FAM107B: variants seen among roughly 807,000 people sequenced by gnomAD.
The protein encoded by FAM107B is family with sequence similarity 107 member B.
A neutral mutation model predicts 31.5 loss-of-function variants in FAM107B; 21 were observed. That is an observed-to-expected ratio of 0.67 (90% CI 0.47 to 0.96). FAM107B has a LOEUF of 0.96. FAM107B is among the 40% of genes least tolerant of loss of function. FAM107B has a pLI of 0.00. For synonymous variants in FAM107B, 157 were observed against 141.5 expected, an observed-to-expected ratio of 1.11 and a Z score of -0.78; for missense variants, 452 against 377.1, an observed-to-expected ratio of 1.20 and a Z score of -1.64.
At chr10:14,668,456 T>A (rs1854463589) in intron 1 of FAM107B, among the ~76,000 whole-genome samples, 1 of 152,188 alleles carries the variant, frequency 6.6e-6, no homozygotes, top group Non-Finnish European at 1.5e-5. Flanking sequence ...CCATCATTAT[T>A]CACAGTTATA....
At chr10:14,723,651 T>C (rs1855964698) in intron 1 of FAM107B, 4 of 733,904 alleles carry the variant, frequency 5.5e-6, no homozygotes, top group Non-Finnish European at 1.0e-5. Context: ...AGGATTACTC[T>C]GCGAGAGGCT....
At chr10:14,599,655 G>C (rs932249604) in intron 2 of FAM107B, among the ~76,000 whole-genome samples, 2 of 152,122 alleles carry the variant, frequency 1.3e-5, no homozygotes, top group African/African-American at 4.8e-5. Flanking sequence ...TTTAAAAAAA[G>C]ATATGCTTAA....
chr10:14,677,017 C>T (rs1854699568), intron 1 of FAM107B, among the ~76,000 whole-genome samples: 1 of 152,212 alleles, frequency 6.6e-6, no homozygotes, highest in Non-Finnish European at 1.5e-5. Context: ...CCAGAGCTCT[C>T]TGTGAAGTTG....
chr10:14,562,276 T>C (rs772386646), intron 2 of FAM107B, among the ~76,000 whole-genome samples: 2 of 152,054 alleles, frequency 1.3e-5, no homozygotes, highest in Non-Finnish European at 2.9e-5. Context: ...AATTAAGTAG[T>C]TTTCCATCAC....
intron 2 of FAM107B, among the ~76,000 whole-genome samples, chr10:14,534,405 C>T (rs1847386403): frequency 6.6e-6 from 1 of 152,112 alleles, no homozygotes. Flanking sequence ...TGGCAATAAC[C>T]ATCACTATGA....
intron 2 of FAM107B, among the ~76,000 whole-genome samples, chr10:14,661,849 C>T (rs578153400): frequency 1.3e-5 from 2 of 152,258 alleles, no homozygotes; most frequent in African/African-American, 2.4e-5. Context: ...ACTGGCTCAC[C>T]CTCAGAGAGT....
intron 1 of FAM107B, among the ~76,000 whole-genome samples, chr10:14,721,531 C>T (rs1467507745): frequency 1.3e-5 from 2 of 152,256 alleles, no homozygotes; most frequent in East Asian, 1.9e-4. Context: ...TTTTAATGAT[C>T]ACCATTCTAA....
At chr10:14,764,966 C>T (rs988237601) in intron 1 of FAM107B, among the ~76,000 whole-genome samples, 18 of 152,192 alleles carry the variant, frequency 1.2e-4, no homozygotes, top group African/African-American at 4.3e-4. Context: ...CGATGAAGGA[C>T]GTCAACCCTG....
At chr10:14,644,214 C>T (rs1220497415) in intron 2 of FAM107B, among the ~76,000 whole-genome samples, 2 of 152,192 alleles carry the variant, frequency 1.3e-5, no homozygotes, top group African/African-American at 2.4e-5. Context: ...TGATGGCTAA[C>T]ATTTATCAAA....
At chr10:14,644,337 A>G (rs1853702118) in intron 2 of FAM107B, among the ~76,000 whole-genome samples, 1 of 152,176 alleles carries the variant, frequency 6.6e-6, no homozygotes, top group South Asian at 2.1e-4. Context: ...TAGGTCATTT[A>G]TCTATTTCTA....
intron 2 of FAM107B, chr10:14,548,337 G>A: frequency 1.2e-6 from 1 of 830,810 alleles, no homozygotes; most frequent in Non-Finnish European, 1.5e-6. Flanking sequence ...GAGGCCTCAG[G>A]GACCAGATGC....
intron 2 of FAM107B, among the ~76,000 whole-genome samples, chr10:14,637,022 G>C (rs992483766): frequency 6.6e-6 from 1 of 152,026 alleles, no homozygotes; most frequent in African/African-American, 2.4e-5. Context: ...ATACTCTATA[G>C]GTAAACTTAA....
chr10:14,540,248 A>G lies in FAM107B; in HGVS notation c.470-9733T>C, dbSNP rs112868357. 2.0e-3 allele frequency among the ~76,000 whole-genome samples: 306 copies of G among 152,322 alleles called. 2 individuals carry two copies. The highest frequency in any genetic ancestry group is 6.9e-3 in the African/African-American group (285 of 41,576). ...GACCAACTGCTACCTAGGAGCTGGC[A>G]GTGTCACTTGGCCTGTCAGGTGTTT... On this transcript the variant is annotated intron_variant, in intron 2 of 4. Coordinates refer to ENST00000181796, the MANE Select transcript of FAM107B (RefSeq NM_031453.4).
At chr10:14,626,384 G>T (rs1365321616) in intron 2 of FAM107B, among the ~76,000 whole-genome samples, 2 of 152,070 alleles carry the variant, frequency 1.3e-5, no homozygotes, top group East Asian at 3.8e-4. Flanking sequence ...TTGGAATTTA[G>T]GTGCAAAAGA....
intron 2 of FAM107B, among the ~76,000 whole-genome samples, chr10:14,624,981 T>C (rs988131327): frequency 7.2e-5 from 11 of 152,108 alleles, no homozygotes; most frequent in African/African-American, 1.9e-4. Context: ...TCCTGGCATT[T>C]TGGGAGGCCT....
Position 14,628,112 on chromosome 10 carries a change from G to GGTTTTTTTTGTTTTTTTT in FAM107B, c.469+39521_469+39522insAAAAAAAACAAAAAAAAC, listed in dbSNP as rs1440347763. ...TCCTTGTTTGTTTTTTGTTTTGCTG[G>GGTTTTTTTTGTTTTTTTT]TTTTTTTTTTTTTTTTTTTTTGAGA... On this transcript the variant is annotated intron_variant, in intron 2 of 4. Transcript: ENST00000181796. Among the ~76,000 whole-genome samples the GGTTTTTTTTGTTTTTTTT allele has an allele frequency of 1.2e-4, 11 of 92,672 alleles. No individual in the cohort carries two copies. The East Asian group carries it at 1.3e-3, about 11-fold the overall frequency. 60.8% of individuals were successfully genotyped at this position (92,672 alleles called of 152,430 possible).
intron 1 of FAM107B, among the ~76,000 whole-genome samples, chr10:14,757,417 T>C (rs1832952271): frequency 1.3e-5 from 2 of 152,086 alleles, no homozygotes; most frequent in Admixed American, 1.3e-4. Context: ...TATAACTGCA[T>C]GGATCAACTC....
At chr10:14,646,789 CTTTTT>C (rs369557470) in intron 2 of FAM107B, among the ~76,000 whole-genome samples, 2 of 86,770 alleles carry the variant, frequency 2.3e-5, no homozygotes, top group African/African-American at 4.7e-5. Context: ...CCATTTTCTC[CTTTTT>C]TTTTTTTTTT....
At chr10:14,537,589 C>T (rs1031278730) in intron 2 of FAM107B, among the ~76,000 whole-genome samples, 2 of 152,124 alleles carry the variant, frequency 1.3e-5, no homozygotes, top group African/African-American at 4.8e-5. Context: ...CCTGTAATCC[C>T]AGCACTTTGG....
Sources: allele counts gnomAD v4.1 joint callset (sites outside exome capture counted in the v4.1 genomes callset), GRCh38; gene constraint gnomAD v4.1.1; transcripts MANE v1.5; gene names NCBI Gene and HGNC (gene_info 2026-07-23, HGNC 2026-07-21).